UTP20: variants seen among roughly 807,000 people sequenced by gnomAD.
The protein encoded by UTP20 is small subunit processome component 20 homolog.
UTP20 carries 164 observed loss-of-function variants against 329.5 expected under a neutral mutation model. That is an observed-to-expected ratio of 0.50 (90% CI 0.44 to 0.57). The LOEUF is 0.57. Among genes scored for constraint, UTP20 ranks in the 20% least tolerant of loss-of-function variants. The pLI is 0.00. For missense variants in UTP20, 3,055 were observed against 3,284.2 expected, an observed-to-expected ratio of 0.93 and a Z score of 1.71; for synonymous variants, 1,151 against 1,159.3, an observed-to-expected ratio of 0.99 and a Z score of 0.14.
At chr12:101,337,416 C>G (rs971963517) in intron 29 of UTP20, among the ~76,000 whole-genome samples, 1 of 152,210 alleles carries the variant, frequency 6.6e-6, no homozygotes, top group Non-Finnish European at 1.5e-5. Flanking sequence ...GAATCAACTG[C>G]CGGTTTACCC....
chr12:101,339,390 G>A (rs1869047678), intron 31 of UTP20, among the ~76,000 whole-genome samples: 1 of 152,228 alleles, frequency 6.6e-6, no homozygotes, highest in African/African-American at 2.4e-5. Context: ...GCAATAAGAA[G>A]CTAAAAAGTT....
intron 22 of UTP20, among the ~76,000 whole-genome samples, chr12:101,318,248 G>A (rs1467517161): frequency 6.6e-6 from 1 of 152,154 alleles, no homozygotes; most frequent in South Asian, 2.1e-4. Context: ...GCTTTTAGAA[G>A]TTACTTCAGC....
intron 22 of UTP20, 127 bp downstream of exon 22, chr12:101,317,790 G>T: frequency 1.8e-6 from 2 of 1,096,462 alleles, no homozygotes; most frequent in Non-Finnish European, 2.5e-6. Flanking sequence ...ATCTTCCTGG[G>T]ATTTTCTTTA....
chr12:101,286,472 T>A lies in UTP20; in HGVS notation c.478T>A (p.Trp160Arg). The A allele has an allele frequency of 6.2e-7, 1 of 1,613,506 alleles. No homozygotes were observed. The highest frequency in any genetic ancestry group is 8.5e-7 in the Non-Finnish European group (1 of 1,179,698). The change falls in exon 5 of 62, where the codon TGG (tryptophan) becomes AGG (arginine). Residue 160 changes from tryptophan to arginine, a missense_variant. Transcript: ENST00000261637. The part of the protein sequence containing the change: ...TSLSYLYKYL[W>R]RLMVKDMSSI... ...GTTATCATATCTTTATAAGTACCTG[T>A]GGAGACTGATGGTGAAGGACATGTC...
intron 43 of UTP20, among the ~76,000 whole-genome samples, chr12:101,357,884 T>G (rs961660980): frequency 3.3e-5 from 5 of 152,208 alleles, no homozygotes; most frequent in Non-Finnish European, 4.4e-5. Flanking sequence ...TTGTGAGAAA[T>G]GTAGGATTTA....
At position 101,383,307 on chromosome 12, in the gene UTP20, C is replaced by G; in HGVS notation, c.7923C>G (p.Pro2641=). ...AAGCTGCTTATTCGCCGAGAAACCC[C>G]TTAAAGGTGCGATGAATGCACAGAA... The part of the protein sequence containing the change: ...KLEAAYSPRN[P]LKRTCIFKFL... The change falls in exon 59 of 62, where the codon CCC becomes CCG. Residue 2641 remains proline, a synonymous_variant. Coordinates refer to ENST00000261637, the MANE Select transcript of UTP20 (RefSeq NM_014503.3). The G allele has an allele frequency of 6.2e-7, 1 of 1,612,992 alleles. No individual in the cohort carries two copies. The highest frequency in any genetic ancestry group is 8.5e-7 in the Non-Finnish European group (1 of 1,179,666).
chr12:101,321,992 T>G (rs1227626605), intron 25 of UTP20, among the ~76,000 whole-genome samples: 1 of 148,048 alleles, frequency 6.8e-6, no homozygotes, highest in African/African-American at 2.5e-5. Flanking sequence ...GAAAGATCTT[T>G]ATTTATTTTT....
At chr12:101,340,263 C>T (rs1869077415) in intron 31 of UTP20, among the ~76,000 whole-genome samples, 1 of 152,160 alleles carries the variant, frequency 6.6e-6, no homozygotes, top group Non-Finnish European at 1.5e-5. Context: ...ACCTATTCAC[C>T]TGTTCACTCT....
intron 46 of UTP20, 26 bp from the exon 47 acceptor site, chr12:101,366,532 C>T: frequency 6.2e-7 from 1 of 1,601,870 alleles, no homozygotes; most frequent in Non-Finnish European, 8.5e-7. Flanking sequence ...GTTCTTTACC[C>T]TCTTCTCATG....
chr12:101,373,987 G>A (rs1020058755), intron 54 of UTP20, among the ~76,000 whole-genome samples: 13 of 152,234 alleles, frequency 8.5e-5, no homozygotes, highest in African/African-American at 3.1e-4. Context: ...TGTAATCCCA[G>A]CACTTTGGGA....
intron 21 of UTP20, among the ~76,000 whole-genome samples, chr12:101,316,344 C>T (rs1008539279): frequency 3.3e-5 from 5 of 152,196 alleles, no homozygotes; most frequent in African/African-American, 1.2e-4. Context: ...AATGAGTGAA[C>T]ATGCTGTTCA....
At chr12:101,294,686 T>C (rs1310652308) in intron 11 of UTP20, among the ~76,000 whole-genome samples, 1 of 151,756 alleles carries the variant, frequency 6.6e-6, no homozygotes, top group Non-Finnish European at 1.5e-5. Flanking sequence ...GGGATTACAG[T>C]CATGTGCCCC....
Position 101,352,063 on chromosome 12 carries a change from T to C in UTP20, c.4893T>C (p.Asn1631=), listed in dbSNP as rs1869545853. 8 of 1,613,434 alleles carry C rather than the reference T, an allele frequency of 5.0e-6. No homozygotes were observed. In the South Asian group the frequency reaches 8.8e-5, roughly 18 times the overall value. Residue 1631 remains asparagine (N), a synonymous_variant, in exon 39 of 62, where the codon AAT becomes AAC. Transcript: ENST00000261637. ...CTTGATTTGTTTTACAGCATGAAAA[T>C]ATAACCACTGCTGCCACAGAGATTA... ...IFDEKMLKHE[N]ITTAATEIIG... is the part of the protein sequence containing the mutation.
At chr12:101,375,949 CTA>C (rs2121046237) in intron 56 of UTP20, among the ~76,000 whole-genome samples, 193 bp downstream of exon 56, 2 of 152,254 alleles carry the variant, frequency 1.3e-5, no homozygotes, top group South Asian at 4.1e-4. Flanking sequence ...AAAAACGTAT[CTA>C]TGATTTCATA....
intron 43 of UTP20, 49 bp downstream of exon 43, chr12:101,357,131 A>C (rs1869751943): frequency 6.5e-7 from 1 of 1,536,624 alleles, no homozygotes; most frequent in African/African-American, 1.4e-5. Context: ...GAGTTAAAAT[A>C]TTTGCAGCTT....
intron 26 of UTP20, 24 bp downstream of exon 26, chr12:101,327,271 C>T: frequency 6.4e-7 from 1 of 1,553,288 alleles, no homozygotes; most frequent in South Asian, 1.2e-5. Context: ...ACCTCTCACT[C>T]TAATACCTGT....
At position 101,290,791 on chromosome 12, in the gene UTP20, C is replaced by A. The variant is rs890775309; in HGVS notation, c.794C>A (p.Pro265Gln). 6 of 1,613,900 alleles carry A rather than the reference C, an allele frequency of 3.7e-6. No individual in the cohort carries two copies. The highest frequency in any genetic ancestry group is 1.3e-5 in the African/African-American group (1 of 75,034). Reference sequence around the variant, plus strand: ...GTCACTGAAACAGAAACTCAACTACCATGGATGTTAATTGGAGAAACACTC... The same window carrying A: ...GTCACTGAAACAGAAACTCAACTACAATGGATGTTAATTGGAGAAACACTC... ...GPVTETETQL[P>Q]WMLIGETLKN... Residue 265 changes from proline to glutamine, a missense_variant, in exon 8 of 62, where the codon CCA becomes CAA. By Grantham distance (76) the Pro-to-Gln change is moderately conservative. Coordinates refer to ENST00000261637, the MANE Select transcript of UTP20 (RefSeq NM_014503.3).
In UTP20 at chr12:101,327,283, G is replaced by C. The variant is rs372735813; in HGVS notation, c.3208+36G>C. ...GCTACCTCTCACTCTAATACCTGTT[G>C]TCTGCGGTGGACTTCTCACATCTCA... On this transcript the variant is annotated intron_variant, in intron 26 of 61. Coordinates refer to ENST00000261637, the MANE Select transcript of UTP20 (RefSeq NM_014503.3). 1.2e-4 allele frequency: 185 copies of C among 1,513,856 alleles called. No individual in the cohort carries two copies. In the African/African-American group the frequency reaches 2.2e-3, roughly 18 times the overall value. 93.8% of individuals were successfully genotyped at this position (1,513,856 alleles called of 1,614,324 possible).
chr12:101,346,531 T>G lies in UTP20; in HGVS notation c.4827T>G (p.Leu1609=). 6.2e-7 allele frequency: 1 copy of G among 1,610,200 alleles called. No homozygotes were observed. Among genetic ancestry groups the G allele is most frequent in the Non-Finnish European group, 8.5e-7 (1 of 1,178,460 alleles). ...EGKVVLSSKS[L]QNYIMPYAMT... ...AAGTTGTTCTGTCTTCTAAATCTCT[T>G]CAGAATTACATCATGCCTTATGCCA... Residue 1609 remains leucine (L), a synonymous_variant, in exon 38 of 62, where the codon CTT becomes CTG. Transcript: ENST00000261637.
Sources: gnomAD v4.1 joint callset for allele counts (sites outside exome capture counted in the v4.1 genomes callset) on GRCh38, gnomAD v4.1.1 for gene constraint, MANE v1.5 for transcripts, NCBI Gene and HGNC (gene_info 2026-07-23, HGNC 2026-07-21) for gene names.